The following KCNN3 variants were observed in gnomAD, a reference collection of about 807,000 sequenced individuals.
KCNN3 encodes potassium calcium-activated channel subfamily N member 3.
In KCNN3, 16 loss-of-function variants were observed where a neutral mutation model predicts 62.9. That is an observed-to-expected ratio of 0.25 (90% CI 0.17 to 0.39). The LOEUF (loss-of-function observed/expected upper bound fraction) is 0.39. KCNN3 is among the 10% of genes least tolerant of loss of function. The pLI is 1.00. For missense variants in KCNN3, 599 were observed against 949.4 expected (o/e 0.63, Z 4.85); for synonymous variants, 370 against 389.2 (o/e 0.95, Z 0.58).
chr1:154,866,495 C>T (rs1295556614), intron 1 of KCNN3, among the ~76,000 whole-genome samples: 1 of 152,172 alleles, frequency 6.6e-6, no homozygotes, highest in African/African-American at 2.4e-5. Flanking sequence ...AACTCTGGCC[C>T]AGTTCCTTGA....
In KCNN3 at chr1:154,707,163, A is replaced by G. The variant is rs1213060976; in HGVS notation, c.*813T>C. Reference sequence around the variant, plus strand: ...GGGATCCACATCTTCAGTGAAACTCAGAATGTGGCCAGAACTAGCTAACTA... The same window carrying G: ...GGGATCCACATCTTCAGTGAAACTCGGAATGTGGCCAGAACTAGCTAACTA... On this transcript the variant is annotated 3_prime_UTR_variant, in exon 8 of 8. Transcript: ENST00000271915. The G allele has an allele frequency of 6.6e-6, 1 of 152,226 alleles. No individual in the cohort carries two copies. Among genetic ancestry groups the G allele is most frequent in the Non-Finnish European group, 1.5e-5 (1 of 68,042 alleles). The allele number at this position is 152,226 out of a possible 1,614,324, so 9.4% of individuals were successfully genotyped here.
intron 3 of KCNN3, among the ~76,000 whole-genome samples, chr1:154,758,501 G>A (rs1266788938): frequency 1.3e-5 from 2 of 152,250 alleles, no homozygotes; most frequent in Non-Finnish European, 2.9e-5. Context: ...GCCCGCAGGG[G>A]CTGTGTTACC....
At position 154,707,996 on chromosome 1, in the gene KCNN3, T is replaced by C. The variant is rs1699996606; in HGVS notation, c.2176A>G (p.Thr726Ala). 2.5e-6 allele frequency: 4 copies of C among 1,613,522 alleles called. No individual in the cohort carries two copies. The highest frequency in any genetic ancestry group is 3.4e-6 in the Non-Finnish European group (4 of 1,179,712). Residue 726 changes from threonine (T) to alanine (A), a missense_variant, in exon 8 of 8, where the codon ACA becomes GCA. Thr to Ala is a moderately conservative substitution (Grantham distance 58). Coordinates refer to ENST00000271915, the MANE Select transcript of KCNN3 (RefSeq NM_002249.6). Reference sequence around the variant, plus strand: ...TTTATTTAGCAACTGCTTGAACTTGTGTACGGGGTCGGGAAGGAGGTGGAG... The same window carrying C: ...TTTATTTAGCAACTGCTTGAACTTGCGTACGGGGTCGGGAAGGAGGTGGAG... The part of the protein sequence containing the change: ...VSSTSFPTPY[T>A]SSSSC
At chr1:154,751,083 C>T (rs1041976181) in intron 3 of KCNN3, among the ~76,000 whole-genome samples, 8 of 152,250 alleles carry the variant, frequency 5.3e-5, no homozygotes, top group Admixed American at 1.3e-4. Flanking sequence ...CTGCCTCTTT[C>T]TAGCCACAGG....
chr1:154,713,680 T>C (rs1024883047), intron 6 of KCNN3, 147 bp from the exon 7 acceptor site: 10 of 700,792 alleles, frequency 1.4e-5, no homozygotes, highest in Admixed American at 1.2e-4. Context: ...GGCTTTTACT[T>C]TCCAGGGGCT....
intron 2 of KCNN3, among the ~76,000 whole-genome samples, chr1:154,813,567 C>T (rs995922034): frequency 2.6e-5 from 4 of 152,144 alleles, no homozygotes; most frequent in African/African-American, 7.2e-5. Context: ...GACCCCTCCC[C>T]ACCCCGTCCT....
intron 1 of KCNN3, among the ~76,000 whole-genome samples, chr1:154,832,597 C>A (rs1651418882): frequency 6.6e-6 from 1 of 152,190 alleles, no homozygotes; most frequent in South Asian, 2.1e-4. Flanking sequence ...ATTGCAGGAA[C>A]CCCCATTTTC....
chr1:154,764,124 A>G (rs961369933), intron 3 of KCNN3, among the ~76,000 whole-genome samples: 5 of 152,222 alleles, frequency 3.3e-5, no homozygotes, highest in Non-Finnish European at 5.9e-5. Context: ...ATGCAATTAA[A>G]TTTTGCTTTT....
At position 154,869,053 on chromosome 1, in the gene KCNN3, G is replaced by A. The variant is rs879107575; in HGVS notation, c.912C>T (p.Leu304=). The part of the protein sequence containing the change: ...GIVVMVIETE[L]SWGLYSKDSM... ...CTACCTTTGAGTACAAACCCCAAGA[G>A]AGCTCGGTCTCTATCACCATAACAA... The change falls in exon 1 of 8, where the codon CTC becomes CTT. Residue 304 remains leucine, a synonymous_variant. Coordinates refer to ENST00000271915, the MANE Select transcript of KCNN3 (RefSeq NM_002249.6). This position sits in a 1 kb window ranked among gnomAD's most constrained non-coding sequence, Gnocchi z 6.1. 1.2e-6 allele frequency: 2 copies of A among 1,614,124 alleles called. No homozygotes were observed. Among genetic ancestry groups the A allele is most frequent in the South Asian group, 2.2e-5 (2 of 91,088 alleles).
chr1:154,756,927 A>G (rs866463521), intron 3 of KCNN3, among the ~76,000 whole-genome samples: 3 of 152,206 alleles, frequency 2.0e-5, no homozygotes, highest in African/African-American at 4.8e-5. Context: ...ACACCTATAC[A>G]TAACAGTATT....
rs1431362926 is a variant in KCNN3 at position 154,708,151 on chromosome 1, G to A, written c.2021C>T (p.Pro674Leu). Residue 674 changes from proline (P) to leucine (L), a missense_variant, in exon 8 of 8, where the codon CCG (proline) becomes CTG (leucine). Pro to Leu is a moderately conservative substitution (Grantham distance 98). Coordinates refer to ENST00000271915, the MANE Select transcript of KCNN3 (RefSeq NM_002249.6). ...EHLTASFNSL[P>L]LLIADTLRQQ... is the part of the protein sequence containing the mutation. ...GCGCAGGGTGTCGGCGATGAGCAGC[G>A]GCAGGGAGTTGAAGCTGGCGGTGAG... The A allele has an allele frequency of 1.2e-6, 2 of 1,613,598 alleles. No homozygotes were observed. The highest frequency in any genetic ancestry group is 1.3e-5 in the African/African-American group (1 of 74,920).
At position 154,749,564 on chromosome 1, in the gene KCNN3, G is replaced by A. The variant is rs137881298; in HGVS notation, c.1449-16420C>T. 9.2e-3 allele frequency among the ~76,000 whole-genome samples: 1,396 copies of A among 152,334 alleles called. 8 individuals are homozygous for A. The highest frequency in any genetic ancestry group is 0.015 in the Non-Finnish European group (1,015 of 68,034). ...CAGGACGTGGGAGCTCTGGTTGGGC[G>A]TCTTTCCCTGCCACAGAGAAGACAG... On this transcript the variant is annotated intron_variant, in intron 3 of 7. Transcript: ENST00000271915.
chr1:154,797,123 C>T (rs1489024384), intron 2 of KCNN3, among the ~76,000 whole-genome samples: 1 of 152,226 alleles, frequency 6.6e-6, no homozygotes, highest in East Asian at 1.9e-4. Flanking sequence ...GAATATCCAC[C>T]TCGTCCCTCC....
At chr1:154,735,232 G>C (rs1180883729) in intron 3 of KCNN3, among the ~76,000 whole-genome samples, 3 of 152,148 alleles carry the variant, frequency 2.0e-5, no homozygotes, top group African/African-American at 7.2e-5. Flanking sequence ...CAGAGACGCA[G>C]GCCACAGCCT....
In KCNN3 at chr1:154,805,594, T is replaced by A. The variant is rs143174790; in HGVS notation, c.1029+16495A>T. Among the ~76,000 whole-genome samples the A allele has an allele frequency of 2.6e-5, 4 of 152,288 alleles. No individual in the cohort carries two copies. The East Asian group carries it at 7.7e-4, about 29-fold the overall frequency. On this transcript the variant is annotated intron_variant, in intron 2 of 7. Coordinates refer to ENST00000271915, the MANE Select transcript of KCNN3 (RefSeq NM_002249.6). ...GGTGGGCTCTTTTGATCTCTACTTC[T>A]CCCGCTGTGGTCGGCTGTTTGGGGC... is the stretch of plus-strand genomic sequence containing the variant.
At chr1:154,819,837 C>T (rs555672013) in intron 2 of KCNN3, among the ~76,000 whole-genome samples, 34 of 152,280 alleles carry the variant, frequency 2.2e-4, no homozygotes, top group African/African-American at 7.5e-4. Flanking sequence ...GTGCAAGGCC[C>T]AGCTAGAAGC....
intron 2 of KCNN3, among the ~76,000 whole-genome samples, chr1:154,798,895 C>T (rs961176061): frequency 1.3e-4 from 20 of 148,610 alleles, no homozygotes; most frequent in African/African-American, 4.0e-4. Context: ...CAGTCAATTA[C>T]ACAACACTGA....
intron 1 of KCNN3, among the ~76,000 whole-genome samples, chr1:154,847,245 C>T (rs1652110417): frequency 6.6e-6 from 1 of 151,800 alleles, no homozygotes; most frequent in African/African-American, 2.4e-5. Flanking sequence ...CTCTCCAGGC[C>T]ACACCGAGAG....
intron 7 of KCNN3, among the ~76,000 whole-genome samples, chr1:154,712,966 C>T (rs1376940704): frequency 6.6e-6 from 1 of 152,118 alleles, no homozygotes; most frequent in Admixed American, 6.5e-5. Context: ...AAATGCACCC[C>T]CCCACACACA....
Sources: gnomAD v4.1 joint callset for allele counts (sites outside exome capture counted in the v4.1 genomes callset) on GRCh38, gnomAD v4.1.1 for gene constraint, Gnocchi (gnomAD v3.1) non-coding constraint, MANE v1.5 for transcripts, NCBI Gene and HGNC (gene_info 2026-07-23, HGNC 2026-07-21) for gene names.